The following TFEC variants were observed in gnomAD, a reference collection of about 807,000 sequenced individuals.
TFEC encodes transcription factor EC, also known as class E basic helix-loop-helix protein 34.
A neutral mutation model predicts 41.6 loss-of-function variants in TFEC; 31 were observed. The ratio of observed to expected loss-of-function variants is 0.74; its 90% CI spans 0.56 to 1.01. The LOEUF is 1.01. TFEC is among the 50% of genes least tolerant of loss of function. The pLI is 0.00. For missense variants in TFEC, 402 were observed against 404.1 expected (o/e 0.99, Z 0.04); for synonymous variants, 143 against 140.6 (o/e 1.02, Z -0.12).
At chr7:116,083,255 G>A (rs1323693254) in intron 3 of TFEC, among the ~76,000 whole-genome samples, 2 of 151,796 alleles carry the variant, frequency 1.3e-5, no homozygotes, top group East Asian at 3.9e-4. Flanking sequence ...AGATTTTGGA[G>A]TGACTAGTGA....
At chr7:116,142,920 A>G (rs1357702186) in intron 1 of TFEC, among the ~76,000 whole-genome samples, 1 of 152,220 alleles carries the variant, frequency 6.6e-6, no homozygotes, top group East Asian at 1.9e-4. Flanking sequence ...AATGTAGCAT[A>G]GACCACCGAT....
intron 1 of TFEC, among the ~76,000 whole-genome samples, chr7:116,008,880 T>C (rs1227328117): frequency 6.6e-6 from 1 of 152,214 alleles, no homozygotes; most frequent in Non-Finnish European, 1.5e-5. Flanking sequence ...AGCTATTTAA[T>C]GGATAATAAT....
intron 1 of TFEC, among the ~76,000 whole-genome samples, chr7:116,138,138 G>A (rs1200109127): frequency 1.3e-5 from 2 of 152,022 alleles, no homozygotes; most frequent in Non-Finnish European, 2.9e-5. Context: ...ATCATGTACA[G>A]GATCTATTAA....
At chr7:116,116,234 C>T (rs771789041) in intron 1 of TFEC, among the ~76,000 whole-genome samples, 2 of 151,804 alleles carry the variant, frequency 1.3e-5, no homozygotes, top group Non-Finnish European at 2.9e-5. Context: ...GGTTAGGGAA[C>T]TAGAAACACT....
Position 115,935,211 on chromosome 7 carries a change from TA to T in TFEC, c.*5339del, listed in dbSNP as rs1036706164. Reference sequence around the variant, plus strand: ...AAGAAAATATTGGTACATTTTAAGGTATTTTTACAAAGATTTTTGTATGTAT... The same window carrying T: ...AAGAAAATATTGGTACATTTTAAGGTTTTTTACAAAGATTTTTGTATGTAT... On this transcript the variant is annotated 3_prime_UTR_variant, in exon 8 of 8. Transcript: ENST00000265440. The T allele has an allele frequency of 6.6e-6, 1 of 151,978 alleles. No homozygotes were observed. The highest frequency in any genetic ancestry group is 2.4e-5 in the African/African-American group (1 of 41,418). The allele number at this position is 151,978 out of a possible 1,614,324, so 9.4% of individuals were successfully genotyped here.
chr7:115,941,642 C>CACATATATACACATATATGTGTATAT (rs1342937051), intron 7 of TFEC: 5 of 444,594 alleles, frequency 1.1e-5, no homozygotes, highest in East Asian at 6.6e-5. Flanking sequence ...CACACATACA[C>CACATATATACACATATATGTGTATAT]ACATATATAC....
rs1173564212 is a variant in TFEC at position 116,044,914 on chromosome 7, A to G, written c.199-60401T>C. ...TACTTTAGAAGAGGGACGAAATTAG[A>G]TTTCACCAGTTACGTAAGGAATGAT... On this transcript the variant is annotated intron_variant, in intron 3 of 8. Coordinates refer to the TFEC transcript ENST00000484212. 5.3e-5 allele frequency among the ~76,000 whole-genome samples: 8 copies of G among 152,180 alleles called. No individual in the cohort carries two copies. In the East Asian group the frequency reaches 1.3e-3, roughly 26 times the overall value.
chr7:115,999,013 C>A (rs1208772767), intron 1 of TFEC, among the ~76,000 whole-genome samples: 1 of 151,952 alleles, frequency 6.6e-6, no homozygotes, highest in Non-Finnish European at 1.5e-5. Flanking sequence ...ACATTTCATT[C>A]AATGGCTACA....
At chr7:116,026,370 A>T (rs894848943) in intron 1 of TFEC, among the ~76,000 whole-genome samples, 1 of 152,176 alleles carries the variant, frequency 6.6e-6, no homozygotes, top group Non-Finnish European at 1.5e-5. Flanking sequence ...TAATTCATAT[A>T]TACTTTCATT....
chr7:116,086,860 T>C lies in TFEC; in HGVS notation c.198+23848A>G, dbSNP rs933271861. On this transcript the variant is annotated intron_variant, in intron 3 of 8. Coordinates refer to the TFEC transcript ENST00000484212. ...ATTATGCAATTTCTACTCCCACATA[T>C]GTTTTTACATTTTCTACGAGATTAT... is the stretch of plus-strand genomic sequence containing the variant. Among the ~76,000 whole-genome samples, 11 of 152,078 alleles carry C rather than the reference T, an allele frequency of 7.2e-5. No homozygotes were observed. The South Asian group carries it at 2.3e-3, about 32-fold the overall frequency.
chr7:115,972,651 T>C (rs1793186030), intron 3 of TFEC, among the ~76,000 whole-genome samples: 1 of 152,154 alleles, frequency 6.6e-6, no homozygotes, highest in South Asian at 2.1e-4. Flanking sequence ...AAATTATCAG[T>C]TATCTTTGGT....
chr7:116,037,746 C>T (rs1032164523), intron 3 of TFEC, among the ~76,000 whole-genome samples: 4 of 151,894 alleles, frequency 2.6e-5, no homozygotes, highest in Non-Finnish European at 1.5e-5. Context: ...AAAATTGAAA[C>T]TTACCAAGAT....
chr7:116,026,292 G>T (rs1213973371), intron 1 of TFEC, among the ~76,000 whole-genome samples: 3 of 152,188 alleles, frequency 2.0e-5, no homozygotes, highest in Non-Finnish European at 4.4e-5. Context: ...CCTGCCTAAA[G>T]AATAGCTAAT....
chr7:116,055,436 T>C (rs1324100981), intron 3 of TFEC, among the ~76,000 whole-genome samples: 1 of 152,052 alleles, frequency 6.6e-6, no homozygotes, highest in Admixed American at 6.5e-5. Flanking sequence ...GAAATCTAAA[T>C]AATTTCAAAT....
At chr7:115,984,190 G>T in intron 2 of TFEC, 72 bp downstream of exon 2, 2 of 1,537,738 alleles carry the variant, frequency 1.3e-6, no homozygotes, top group Non-Finnish European at 1.8e-6. Flanking sequence ...GTAAAATGTT[G>T]ACTTCAATTA....
At chr7:116,067,328 T>C (rs1796717031) in intron 3 of TFEC, among the ~76,000 whole-genome samples, 1 of 152,080 alleles carries the variant, frequency 6.6e-6, no homozygotes, top group South Asian at 2.1e-4. Flanking sequence ...CAAGCACTAA[T>C]TTGAGAATAT....
chr7:116,081,522 A>G (rs767547478), intron 3 of TFEC, among the ~76,000 whole-genome samples: 2 of 152,032 alleles, frequency 1.3e-5, no homozygotes, highest in Non-Finnish European at 2.9e-5. Flanking sequence ...TAAGTAGGTC[A>G]TGGTTTATTG....
In TFEC at chr7:115,961,248, T is replaced by A. The variant is rs533083145; in HGVS notation, c.268-4455A>T. ...ATACAAAAACTGACTAGGTGCTCAGTCAAAAGAAACCCTCAACACATTTCA... is the reference window on the plus strand; with the variant it reads ...ATACAAAAACTGACTAGGTGCTCAGACAAAAGAAACCCTCAACACATTTCA... On this transcript the variant is annotated intron_variant, in intron 3 of 7. Transcript: ENST00000265440. Among the ~76,000 whole-genome samples, 5 of 151,744 alleles carry A rather than the reference T, an allele frequency of 3.3e-5. No homozygotes were observed. The South Asian group carries it at 1.0e-3, about 31-fold the overall frequency.
intron 1 of TFEC, among the ~76,000 whole-genome samples, chr7:116,022,270 A>G (rs1211783595): frequency 1.3e-5 from 2 of 152,224 alleles, no homozygotes; most frequent in Non-Finnish European, 2.9e-5. Context: ...TTTTGTCAAG[A>G]GAAAGAGAAA....
Sources: allele counts gnomAD v4.1 joint callset (sites outside exome capture counted in the v4.1 genomes callset), GRCh38; gene constraint gnomAD v4.1.1; transcripts MANE v1.5; gene names NCBI Gene and HGNC (gene_info 2026-07-23, HGNC 2026-07-21).